EXOC3L2: variants seen among roughly 807,000 people sequenced by gnomAD.
EXOC3L2 encodes exocyst complex component 3-like protein 2.
EXOC3L2 carries 17 observed loss-of-function variants against 44.4 expected under a neutral mutation model. That is an observed-to-expected ratio of 0.38 (90% CI 0.26 to 0.57). The LOEUF is 0.57. Ranked by LOEUF, EXOC3L2 falls within the 20% of genes least tolerant of loss-of-function variation. The pLI, the probability that EXOC3L2 is intolerant of heterozygous loss-of-function variation, is 0.65. For missense variants in EXOC3L2, 541 were observed against 588.4 expected (o/e 0.92, Z 0.83); for synonymous variants, 256 against 253.7 (o/e 1.01, Z -0.09).
In EXOC3L2 at chr19:45,228,254, C is replaced by T. The variant is rs559380946; in HGVS notation, c.1282G>A (p.Ala428Thr). Residue 428 changes from alanine to threonine, a missense_variant, in exon 5 of 12, where the codon GCT (alanine) becomes ACT (threonine). Coordinates refer to ENST00000413988, the MANE Select transcript of EXOC3L2 (RefSeq NM_001382422.1). ...CVTDVKAQTR[A>T]ALLRVLQEDE... The stretch of plus-strand genomic sequence containing the variant: ...TCCTGCAGCACACGGAGAAGGGCAG[C>T]CCGGGTCTGAGCCTACAGTAGGGAG... 6 of 1,614,010 alleles carry T rather than the reference C, an allele frequency of 3.7e-6. 1 individual carries two copies. In the South Asian group the frequency reaches 6.6e-5, roughly 18 times the overall value.
At chr19:45,219,888 G>A (rs1969879051) in intron 8 of EXOC3L2, among the ~76,000 whole-genome samples, 1 of 152,000 alleles carries the variant, frequency 6.6e-6, no homozygotes, top group Non-Finnish European at 1.5e-5. Context: ...AAATTATTAA[G>A]GGGCCAGGCA....
rs1038104320 is a variant in EXOC3L2 at position 45,238,622 on chromosome 19, G to A, written c.424C>T (p.Arg142Cys). The A allele has an allele frequency of 2.0e-5, 8 of 399,164 alleles. No individual in the cohort carries two copies. The highest frequency in any genetic ancestry group is 4.1e-5 in the African/African-American group (2 of 48,634). The allele number at this position is 399,164 out of a possible 1,614,324, so 24.7% of individuals were successfully genotyped here. ...ACCACTCTCTCAGCCAGGGACGCAC[G>A]CTGGGGCTTGGATCCACGCCCCAGT... The part of the protein sequence containing the change: ...LRLGRGSKPQ[R>C]ASLAERVVPA... Residue 142 changes from arginine (R) to cysteine (C), a missense_variant, in exon 2 of 12, where the codon CGT becomes TGT. Coordinates refer to ENST00000413988, the MANE Select transcript of EXOC3L2 (RefSeq NM_001382422.1). This position sits in a 1 kb window ranked among gnomAD's most constrained non-coding sequence, Gnocchi z 5.5.
chr19:45,218,158 T>TTGCCCC, intron 9 of EXOC3L2, 39 bp downstream of exon 9: 2 of 1,034,904 alleles, frequency 1.9e-6, no homozygotes, highest in Non-Finnish European at 2.7e-6. Context: ...TCCCCTCTTT[T>TTGCCCC]CCCCCACCCC....
At chr19:45,216,920 C>G (rs1269557327) in intron 10 of EXOC3L2, 1 of 152,184 alleles carries the variant, frequency 6.6e-6, no homozygotes, top group African/African-American at 2.4e-5. Flanking sequence ...CTGAATACAA[C>G]TGGGTACAAA....
chr19:45,234,275 A>T lies in EXOC3L2; in HGVS notation c.1075T>A (p.Trp359Arg), dbSNP rs1970059764. 2.5e-6 allele frequency: 1 copy of T among 394,898 alleles called. No homozygotes were observed. The highest frequency in any genetic ancestry group is 4.5e-6 in the Non-Finnish European group (1 of 223,772). The allele number at this position is 394,898 out of a possible 1,614,324, so 24.5% of individuals were successfully genotyped here. A position where few individuals can be genotyped will look rare whatever the true frequency, so the allele number is the denominator to read the frequency against. ...LRGYHGALAE[W>R]LGASARRRLP... The stretch of plus-strand genomic sequence containing the variant: ...CTGCGACGGGCGGAGGCCCCCAGCC[A>T]CTCGGCCAGGGCCCCGTGGTAGCCG... Residue 359 changes from tryptophan (W) to arginine (R), a missense_variant, in exon 3 of 12, where the codon TGG (tryptophan) becomes AGG (arginine). Trp to Arg is a moderately radical substitution (Grantham distance 101). Transcript: ENST00000413988. This position sits in a 1 kb window ranked among gnomAD's most constrained non-coding sequence, Gnocchi z 5.0.
In EXOC3L2 at chr19:45,213,170, A is replaced by G. The variant is rs1969795439; in HGVS notation, c.2308T>C (p.Phe770Leu). 1 of 1,599,590 alleles carries G rather than the reference A, an allele frequency of 6.3e-7. No individual in the cohort carries two copies. Among genetic ancestry groups the G allele is most frequent in the Non-Finnish European group, 8.5e-7 (1 of 1,172,876 alleles). The change falls in exon 12 of 12, where the codon TTC becomes CTC. Residue 770 changes from phenylalanine (F) to leucine (L), a missense_variant. Coordinates refer to ENST00000413988, the MANE Select transcript of EXOC3L2 (RefSeq NM_001382422.1). ...RPSFCLSLPL[F>L]LGRLPLSRLA... ...CGGGAGAGGGGGAGGCGGCCCAGGA[A>G]GAGAGGGAGGCTGAGACAGAAAGAT... is the stretch of plus-strand genomic sequence containing the variant.
chr19:45,225,008 G>C, intron 7 of EXOC3L2, 95 bp from the exon 8 acceptor site: 1 of 1,354,022 alleles, frequency 7.4e-7, no homozygotes, highest in Admixed American at 3.1e-5. Context: ...AGGGGCACAG[G>C]GGTGACAGGT....
intron 7 of EXOC3L2, among the ~76,000 whole-genome samples, chr19:45,226,749 T>TC (rs1969965861): frequency 1.1e-5 from 1 of 90,214 alleles, no homozygotes; most frequent in African/African-American, 5.9e-5. Flanking sequence ...TCCCATCTCT[T>TC]TTTTTTTTTT....
Position 45,213,235 on chromosome 19 carries a change from C to T in EXOC3L2, c.2243G>A (p.Arg748Gln), listed in dbSNP as rs573616397. 29 of 1,612,824 alleles carry T rather than the reference C, an allele frequency of 1.8e-5. No homozygotes were observed. The highest frequency in any genetic ancestry group is 5.5e-5 in the South Asian group (5 of 90,952). Reference sequence around the variant, plus strand: ...GATGTCTGCAAAGAAGGCACGGTCCCGAGGGGGTGACAGGGCTCCCTCCTC... The same window carrying T: ...GATGTCTGCAAAGAAGGCACGGTCCTGAGGGGGTGACAGGGCTCCCTCCTC... ...LSEEGALSPP[R>Q]DRAFFADIPV... Residue 748 changes from arginine (R) to glutamine (Q), a missense_variant, in exon 12 of 12, where the codon CGG (arginine) becomes CAG (glutamine). Arg to Gln is a conservative substitution (Grantham distance 43). Transcript: ENST00000413988.
intron 3 of EXOC3L2, among the ~76,000 whole-genome samples, 162 bp from the exon 4 acceptor site, chr19:45,232,036 T>C (rs1014595533): frequency 6.6e-6 from 1 of 152,154 alleles, no homozygotes; most frequent in Non-Finnish European, 1.5e-5. Flanking sequence ...TTTGGAATTG[T>C]TGCTTCCCCG....
chr19:45,227,928 T>G (rs1969983547), intron 6 of EXOC3L2, 46 bp downstream of exon 6: 2 of 1,591,500 alleles, frequency 1.3e-6, no homozygotes, highest in Non-Finnish European at 8.6e-7. Flanking sequence ...CAGGCCCTGA[T>G]GCCCAACCCC....
At chr19:45,231,572 A>G (rs1372342580) in intron 4 of EXOC3L2, among the ~76,000 whole-genome samples, 191 bp downstream of exon 4, 1 of 152,066 alleles carries the variant, frequency 6.6e-6, no homozygotes, top group Non-Finnish European at 1.5e-5. Context: ...GTGTCCAGAT[A>G]TACTGAACCT....
At chr19:45,222,493 G>A (rs746004394) in intron 8 of EXOC3L2, among the ~76,000 whole-genome samples, 15 of 152,104 alleles carry the variant, frequency 9.9e-5, no homozygotes, top group African/African-American at 1.4e-4. Context: ...GAGCCACCAC[G>A]CACAGTCTAT....
At chr19:45,216,038 GCACGGCGAGC>G in intron 11 of EXOC3L2, 25 bp downstream of exon 11, 1 of 1,609,250 alleles carries the variant, frequency 6.2e-7, no homozygotes, top group Non-Finnish European at 8.5e-7. Flanking sequence ...CCTCGGCCAG[GCACGGCGAGC>G]CCTGGCCCAG....
intron 3 of EXOC3L2, among the ~76,000 whole-genome samples, chr19:45,233,823 C>T (rs1392239211): frequency 2.0e-5 from 3 of 152,080 alleles, no homozygotes; most frequent in African/African-American, 7.2e-5. Flanking sequence ...GGAAAAGTAG[C>T]AACGCAAAGG....
At chr19:45,235,459 G>A (rs1213708020) in intron 2 of EXOC3L2, among the ~76,000 whole-genome samples, 3 of 152,078 alleles carry the variant, frequency 2.0e-5, no homozygotes, top group African/African-American at 7.2e-5. Context: ...GGAGGCAGCC[G>A]GTGGGAGTAG....
At chr19:45,225,170 T>C (rs900582132) in intron 7 of EXOC3L2, among the ~76,000 whole-genome samples, 2 of 133,652 alleles carry the variant, frequency 1.5e-5, no homozygotes, top group African/African-American at 2.9e-5. Context: ...CTAGGGTATA[T>C]TGGGGGAGGG....
At chr19:45,216,486 G>A (rs1321300304) in intron 10 of EXOC3L2, among the ~76,000 whole-genome samples, 1 of 152,128 alleles carries the variant, frequency 6.6e-6, no homozygotes, top group African/African-American at 2.4e-5. Flanking sequence ...GGCTGAAGCA[G>A]GAGAATCACT....
chr19:45,241,647 A>T (rs1021292777), intron 1 of EXOC3L2, among the ~76,000 whole-genome samples: 2 of 151,702 alleles, frequency 1.3e-5, no homozygotes, highest in Non-Finnish European at 2.9e-5. Context: ...CCTCCTCCTT[A>T]CCCCAGGAAC....
Sources: gnomAD v4.1 joint callset for allele counts (sites outside exome capture counted in the v4.1 genomes callset) on GRCh38, gnomAD v4.1.1 for gene constraint, Gnocchi (gnomAD v3.1) non-coding constraint, MANE v1.5 for transcripts, NCBI Gene and HGNC (gene_info 2026-07-23, HGNC 2026-07-21) for gene names.